Variants in BET1 observed in about 807,000 individuals in gnomAD.
BET1 encodes Bet1 golgi vesicular membrane trafficking protein, also known as BET1 homolog.
In BET1, 9 loss-of-function variants were observed where a neutral mutation model predicts 13.9. That is an observed-to-expected ratio of 0.65 (90% CI 0.39 to 1.13). The LOEUF (loss-of-function observed/expected upper bound fraction) is 1.13, where lower values mean the gene tolerates loss of function less well. Ranked by LOEUF, BET1 falls within the 50% of genes most tolerant of loss-of-function variation. The probability of loss-of-function intolerance (pLI) is 0.01; values close to 1 mark genes in which losing one functional copy is unlikely to be tolerated. For synonymous variants in BET1, 39 were observed against 47.3 expected (o/e 0.82, Z 0.72); for missense variants, 127 against 133.6 (o/e 0.95, Z 0.24).
chr7:93,968,620 T>C (rs979634517), intron 6 of BET1, among the ~76,000 whole-genome samples: 2 of 151,800 alleles, frequency 1.3e-5, no homozygotes, highest in Non-Finnish European at 2.9e-5. Context: ...GCCTCAAATG[T>C]AACTTAGCCG....
exon 7 of BET1, chr7:93,965,333 G>A (rs1795156304): frequency 1.3e-5 from 2 of 151,886 alleles, no homozygotes; most frequent in Non-Finnish European, 2.9e-5. Context: ...ACCATTTTGT[G>A]AATGCTAGTT....
chr7:93,968,303 C>T (rs1026206092), intron 6 of BET1: 2 of 151,822 alleles, frequency 1.3e-5, no homozygotes, highest in African/African-American at 4.8e-5. Context: ...ACAAGAATAT[C>T]CAAACACCAA....
rs562251700 is a variant in BET1 at position 93,973,034 on chromosome 7, A to G, written c.*49-371T>C. Among the ~76,000 whole-genome samples the G allele has an allele frequency of 2.0e-5, 3 of 152,064 alleles. No homozygotes were observed. The East Asian group carries it at 5.8e-4, about 29-fold the overall frequency. ...TTAAAACTAGAAATTTTGCTCCGAA[A>G]TGAAAGAGTATCAGGAATACAAAGG... On this transcript the variant is annotated intron_variant and NMD_transcript_variant, in intron 5 of 6. Transcript: ENST00000357520.
chr7:93,966,434 T>C (rs1429832039), intron 6 of BET1, among the ~76,000 whole-genome samples: 1 of 152,018 alleles, frequency 6.6e-6, no homozygotes, highest in African/African-American at 2.4e-5. Context: ...TATGTATATA[T>C]TGCTTCTATC....
chr7:93,979,703 G>A (rs552111137), intron 4 of BET1, among the ~76,000 whole-genome samples: 1 of 152,114 alleles, frequency 6.6e-6, no homozygotes, highest in Non-Finnish European at 1.5e-5. Flanking sequence ...ATGATTGGGA[G>A]GAAGTTTCCA....
At chr7:93,996,173 G>T (rs1480452004) in intron 3 of BET1, 92 bp downstream of exon 3, 2 of 947,096 alleles carry the variant, frequency 2.1e-6, no homozygotes, top group Non-Finnish European at 3.3e-6. Context: ...AAGGACTTAC[G>T]ATCTCTGTAT....
At chr7:94,002,739 G>T (rs879764814) in intron 1 of BET1, among the ~76,000 whole-genome samples, 15 of 152,260 alleles carry the variant, frequency 9.9e-5, no homozygotes, top group Non-Finnish European at 2.2e-4. Context: ...GATCTCCACA[G>T]TGTGATCCCG....
chr7:93,979,991 G>T (rs1322269317), intron 4 of BET1, among the ~76,000 whole-genome samples: 1 of 152,170 alleles, frequency 6.6e-6, no homozygotes, highest in Non-Finnish European at 1.5e-5. Context: ...GAGGGAAAGA[G>T]TTGGGCCATG....
exon 5 of BET1, chr7:93,975,919 T>A (rs1272771970): frequency 8.7e-7 from 1 of 1,148,416 alleles, no homozygotes. Context: ...TCTTGGAAGA[T>A]TTGGAAGGCT....
chr7:93,983,182 G>T (rs1322742015), intron 4 of BET1, among the ~76,000 whole-genome samples: 2 of 152,156 alleles, frequency 1.3e-5, no homozygotes, highest in African/African-American at 2.4e-5. Flanking sequence ...ACCTGTCATT[G>T]TCTATTTTCC....
At chr7:93,998,516 T>C (rs912191195) in intron 2 of BET1, among the ~76,000 whole-genome samples, 10 of 151,922 alleles carry the variant, frequency 6.6e-5, no homozygotes, top group African/African-American at 2.4e-4. Flanking sequence ...CTGGCCAACA[T>C]GGTAAAACCC....
chr7:93,968,161 G>C (rs1208740982), intron 6 of BET1, among the ~76,000 whole-genome samples: 1 of 151,658 alleles, frequency 6.6e-6, no homozygotes, highest in Admixed American at 6.6e-5. Context: ...CTAAACATTA[G>C]CAAACATAAC....
downstream of BET1, among the ~76,000 whole-genome samples, chr7:93,989,174 T>C (rs1352592858): frequency 6.6e-6 from 1 of 151,392 alleles, no homozygotes; most frequent in Non-Finnish European, 1.5e-5. Context: ...CCACCACGCC[T>C]GGCTAATTTT....
At chr7:93,988,396 A>C (rs1795567823), downstream of BET1, among the ~76,000 whole-genome samples, 1 of 152,214 alleles carries the variant, frequency 6.6e-6, no homozygotes, top group South Asian at 2.1e-4. Flanking sequence ...ACTGGTGAAG[A>C]AAAACATGAG....
At chr7:93,976,711 A>G (rs1795342751) in intron 4 of BET1, among the ~76,000 whole-genome samples, 1 of 152,084 alleles carries the variant, frequency 6.6e-6, no homozygotes. Context: ...TTCGGAGAAT[A>G]GATGGTGTTT....
chr7:93,967,071 A>G (rs939284774), intron 6 of BET1, among the ~76,000 whole-genome samples: 1 of 151,948 alleles, frequency 6.6e-6, no homozygotes, highest in Non-Finnish European at 1.5e-5. Context: ...CCACTATGGT[A>G]GCAATTCTTC....
chr7:93,992,030 GT>G (rs958179813), downstream of BET1: 3 of 985,268 alleles, frequency 3.0e-6, no homozygotes, highest in African/African-American at 5.2e-5. Flanking sequence ...TTGCATATTT[GT>G]TTTAGATGGA....
chr7:93,967,472 A>G (rs1039775829), intron 6 of BET1, among the ~76,000 whole-genome samples: 49 of 151,828 alleles, frequency 3.2e-4, no homozygotes, highest in African/African-American at 1.2e-3. Context: ...ACTGGGATCA[A>G]TTCTCATAGG....
chr7:94,000,940 C>T (rs543230383), intron 1 of BET1, among the ~76,000 whole-genome samples: 69 of 152,218 alleles, frequency 4.5e-4, no homozygotes, highest in African/African-American at 1.3e-3. Context: ...GAATTTGAGA[C>T]CAGCCTGGGC....
Sources: gnomAD v4.1 joint callset for allele counts (sites outside exome capture counted in the v4.1 genomes callset) on GRCh38, gnomAD v4.1.1 for gene constraint, MANE v1.5 for transcripts, NCBI Gene and HGNC (gene_info 2026-07-23, HGNC 2026-07-21) for gene names.